TRAF7: variants seen among roughly 807,000 people sequenced by gnomAD.
TRAF7 encodes TNF receptor associated factor 7, also known as E3 ubiquitin-protein ligase TRAF7.
Under a neutral mutation model 89.3 loss-of-function variants are expected in TRAF7, and 45 were observed. That is an observed-to-expected ratio of 0.50 (90% CI 0.40 to 0.65). The LOEUF (loss-of-function observed/expected upper bound fraction) is 0.65, where lower values mean the gene tolerates loss of function less well. TRAF7 is among the 30% of genes least tolerant of loss of function. The probability of loss-of-function intolerance (pLI) is 0.00; values close to 1 mark genes in which losing one functional copy is unlikely to be tolerated. For synonymous variants in TRAF7, 406 were observed against 369.2 expected (o/e 1.10, Z -1.14); for missense variants, 677 against 918.1 (o/e 0.74, Z 3.39).
chr16:2,164,389 G>A (rs541555004), intron 2 of TRAF7, among the ~76,000 whole-genome samples: 79 of 147,068 alleles, frequency 5.4e-4, no homozygotes, highest in Non-Finnish European at 7.2e-4. Flanking sequence ...TGCGTGGTGC[G>A]GCCTGGTCGC....
In TRAF7 at chr16:2,177,726, A is replaced by G. The variant is rs1007791138; in HGVS notation, c.*1152A>G. 1.7e-5 allele frequency: 4 copies of G among 241,722 alleles called. No individual in the cohort carries two copies. In the Admixed American group the frequency reaches 2.2e-4, roughly 13 times the overall value. 15.0% of individuals were successfully genotyped at this position (241,722 alleles called of 1,614,324 possible). On this transcript the variant is annotated 3_prime_UTR_variant, in exon 21 of 21. Coordinates refer to ENST00000326181, the MANE Select transcript of TRAF7 (RefSeq NM_032271.3). ...GTGGCTGCCACGCTGACACACCCAC[A>G]TTCACCAAACCCACCCGCGCCCTGG...
intron 3 of TRAF7, among the ~76,000 whole-genome samples, chr16:2,167,043 C>T (rs951879923): frequency 6.6e-6 from 1 of 152,202 alleles, no homozygotes; most frequent in Non-Finnish European, 1.5e-5. Flanking sequence ...CTTACAGTAG[C>T]GCCTCTTTGC....
At chr16:2,173,857 G>GCGGGGCGCGCCCCC in intron 12 of TRAF7, 21 bp downstream of exon 12, 1 of 1,607,510 alleles carries the variant, frequency 6.2e-7, no homozygotes, top group Non-Finnish European at 8.5e-7. Context: ...ACCCGCCGTG[G>GCGGGGCGCGCCCCC]CTCCCGCCCA....
rs1567249641 is a variant in TRAF7 at position 2,168,115 on chromosome 16, C to G, written c.178C>G (p.Pro60Ala). ...TSTYKQHCRT[P>A]SSSSTLAYSP... is the part of the protein sequence containing the mutation. ...CACCTACAAGCAGCACTGCAGGACA[C>G]CCTCCTCCTCCAGCACCCTTGCCTA... The change falls in exon 4 of 21, where the codon CCC (proline) becomes GCC (alanine). Residue 60 changes from proline (P) to alanine (A), a missense_variant. Pro to Ala is a conservative substitution (Grantham distance 27). Coordinates refer to ENST00000326181, the MANE Select transcript of TRAF7 (RefSeq NM_032271.3). This position sits in a 1 kb window ranked among gnomAD's most constrained non-coding sequence, Gnocchi z 4.1. 3.1e-6 allele frequency: 5 copies of G among 1,612,362 alleles called. No homozygotes were observed. In the South Asian group the frequency reaches 4.4e-5, roughly 14 times the overall value.
At chr16:2,169,687 G>A (rs766568730) in intron 4 of TRAF7, among the ~76,000 whole-genome samples, 1 of 152,212 alleles carries the variant, frequency 6.6e-6, no homozygotes, top group African/African-American at 2.4e-5. Flanking sequence ...CTCTGCTGCT[G>A]TGGGGCCTTG....
rs2093127037 is a variant in TRAF7 at position 2,174,444 on chromosome 16, C to T, written c.1346+111C>T. On this transcript the variant is annotated intron_variant, in intron 14 of 20. Transcript: ENST00000326181. ...AGCCTGTGTAGCTATGTGTGTGCCC[C>T]ACCTATAGGGCACCCTCCACCCGGA... 3.9e-6 allele frequency: 4 copies of T among 1,025,952 alleles called. No individual in the cohort carries two copies. The African/African-American group carries it at 6.3e-5, about 16-fold the overall frequency. The allele number at this position is 1,025,952 out of a possible 1,614,324, so 63.6% of individuals were successfully genotyped here. A position where few individuals can be genotyped will look rare whatever the true frequency, so the allele number is the denominator to read the frequency against.
Position 2,177,192 on chromosome 16 carries a change from T to C in TRAF7, c.*618T>C, listed in dbSNP as rs1254416957. 2.4e-5 allele frequency: 6 copies of C among 246,122 alleles called. No individual in the cohort carries two copies. Among genetic ancestry groups the C allele is most frequent in the Non-Finnish European group, 4.0e-5 (5 of 124,284 alleles). 15.2% of individuals were successfully genotyped at this position (246,122 alleles called of 1,614,324 possible). ...TGAGCCAGGCACCTCTGTTTCCTGC[T>C]GTTTATTGACAGCCGACGGCAGCGC... is the stretch of plus-strand genomic sequence containing the variant. On this transcript the variant is annotated 3_prime_UTR_variant, in exon 21 of 21. Coordinates refer to ENST00000326181, the MANE Select transcript of TRAF7 (RefSeq NM_032271.3).
intron 3 of TRAF7, among the ~76,000 whole-genome samples, chr16:2,167,167 C>T (rs113116421): frequency 3.9e-5 from 6 of 152,296 alleles, no homozygotes; most frequent in African/African-American, 4.8e-5. Flanking sequence ...CCCTGTCACA[C>T]GGCGGAAGGT....
At chr16:2,167,795 C>G (rs1277186262) in intron 3 of TRAF7, among the ~76,000 whole-genome samples, 1 of 152,146 alleles carries the variant, frequency 6.6e-6, no homozygotes, top group Non-Finnish European at 1.5e-5. Flanking sequence ...AAAGAAGACC[C>G]TGCCTGGGGT....
rs1400423714 is a variant in TRAF7 at position 2,158,600 on chromosome 16, C to G, written c.-39+2742C>G. 6.6e-6 allele frequency among the ~76,000 whole-genome samples: 1 copy of G among 152,196 alleles called. No individual in the cohort carries two copies. The highest frequency in any genetic ancestry group is 1.5e-5 in the Non-Finnish European group (1 of 68,034). ...GAGGGCGCTGGGTGACTGAGGGGGT[C>G]AGTGGTCTCTGCCCTCACATTCCTG... On this transcript the variant is annotated intron_variant, in intron 1 of 20. Coordinates refer to ENST00000326181, the MANE Select transcript of TRAF7 (RefSeq NM_032271.3). The surrounding 1 kb of genome is among the most constrained non-coding windows in gnomAD (Gnocchi z 4.7).
chr16:2,160,891 CAG>C (rs1271224527), intron 1 of TRAF7, among the ~76,000 whole-genome samples: 1 of 152,058 alleles, frequency 6.6e-6, no homozygotes, highest in Non-Finnish European at 1.5e-5. Context: ...TCCCAGCCAT[CAG>C]GGGATGCTGA....
In TRAF7 at chr16:2,175,996, G is replaced by A. The variant is rs375852117; in HGVS notation, c.1746+43G>A. On this transcript the variant is annotated intron_variant, in intron 18 of 20. Coordinates refer to ENST00000326181, the MANE Select transcript of TRAF7 (RefSeq NM_032271.3). Reference sequence around the variant, plus strand: ...GGGTGCAAGGCCAGACTGTGGCCCCGTCTCCCCCGCCTTGCTCAGTGTCTT... The same window carrying A: ...GGGTGCAAGGCCAGACTGTGGCCCCATCTCCCCCGCCTTGCTCAGTGTCTT... 805 of 1,611,444 alleles carry A rather than the reference G, an allele frequency of 5.0e-4. 2 individuals are homozygous for A. Among genetic ancestry groups the A allele is most frequent in the South Asian group, 7.9e-4 (72 of 90,950 alleles).
rs1555465685 is a variant in TRAF7 at position 2,164,139 on chromosome 16, G to GTGTGTGTGTGT, written c.81+138_81+139insTGTGTGTGTGT. 9.1e-4 allele frequency: 494 copies of GTGTGTGTGTGT among 544,292 alleles called. 2 individuals are homozygous for GTGTGTGTGTGT. The highest frequency in any genetic ancestry group is 5.3e-4 in the South Asian group (24 of 45,010). 33.7% of individuals were successfully genotyped at this position (544,292 alleles called of 1,614,324 possible). ...AGGGGAGCTCGGTGGGGGGGGGTGT[G>GTGTGTGTGTGT]GTGTGTGTGTGTGTGTGTGTGCGCG... On this transcript the variant is annotated intron_variant, in intron 2 of 20. Coordinates refer to ENST00000326181, the MANE Select transcript of TRAF7 (RefSeq NM_032271.3).
chr16:2,164,149 T>TGC (rs2093069040), intron 2 of TRAF7, 148 bp downstream of exon 2: 3 of 556,670 alleles, frequency 5.4e-6, no homozygotes, highest in South Asian at 2.1e-5. Flanking sequence ...GGTGTGTGTG[T>TGC]GTGTGTGTGT....
chr16:2,164,011 T>G lies in TRAF7; in HGVS notation c.81+10T>G. ...AGACGTCACCACAGGGGTAAGGGTG[T>G]GCCCCTCTGCAAGCCCAACATCCCC... On this transcript the variant is annotated intron_variant, in intron 2 of 20. Coordinates refer to ENST00000326181, the MANE Select transcript of TRAF7 (RefSeq NM_032271.3). 6.2e-7 allele frequency: 1 copy of G among 1,601,770 alleles called. No individual in the cohort carries two copies. The highest frequency in any genetic ancestry group is 8.5e-7 in the Non-Finnish European group (1 of 1,174,542).
In TRAF7 at chr16:2,170,635, C is replaced by A; in HGVS notation, c.253C>A (p.Arg85Ser). The change falls in exon 5 of 21, where the codon CGC becomes AGC. Residue 85 changes from arginine (R) to serine (S), a missense_variant. Coordinates refer to ENST00000326181, the MANE Select transcript of TRAF7 (RefSeq NM_032271.3). Reference sequence around the variant, plus strand: ...ACAGCCCCCCATCAGCACTCCCCGCCGCTCCGACTCCGCCATCTCTGTCCG... The same window carrying A: ...ACAGCCCCCCATCAGCACTCCCCGCAGCTCCGACTCCGCCATCTCTGTCCG... ...DSMPPISTPR[R>S]SDSAISVRSL... 6.2e-7 allele frequency: 1 copy of A among 1,609,940 alleles called. No homozygotes were observed. Among genetic ancestry groups the A allele is most frequent in the East Asian group, 2.3e-5 (1 of 44,262 alleles).
chr16:2,164,139 G>GTGTGT, intron 2 of TRAF7, 138 bp downstream of exon 2: 3 of 542,294 alleles, frequency 5.5e-6, no homozygotes, highest in African/African-American at 2.2e-5. Flanking sequence ...GGGGGGGTGT[G>GTGTGT]GTGTGTGTGT....
rs2093096771 is a variant in TRAF7, at chr16:2,168,731, G to A, written c.231+563G>A. On this transcript the variant is annotated intron_variant, in intron 4 of 20. Coordinates refer to ENST00000326181, the MANE Select transcript of TRAF7 (RefSeq NM_032271.3). This position sits in a 1 kb window ranked among gnomAD's most constrained non-coding sequence, Gnocchi z 4.1. Reference sequence around the variant, plus strand: ...GTGCAGAAAGGATCAGGGCAGTCGGGGGCTGGCTGCTGGTACCTGAGCCCT... The same window carrying A: ...GTGCAGAAAGGATCAGGGCAGTCGGAGGCTGGCTGCTGGTACCTGAGCCCT... Among the ~76,000 whole-genome samples the A allele has an allele frequency of 6.6e-6, 1 of 152,130 alleles. No individual in the cohort carries two copies.
Position 2,163,809 on chromosome 16 carries a change from C to CT in TRAF7, c.-38-72dup. On this transcript the variant is annotated intron_variant, in intron 1 of 20. Transcript: ENST00000326181. This position sits in a 1 kb window ranked among gnomAD's most constrained non-coding sequence, Gnocchi z 4.3. ...CGGTGCCCCACAGCAGGTCTGCACA[C>CT]TTGCAGCAGCCCGTCTGACTCACAG... 1 of 1,012,094 alleles carries CT rather than the reference C, an allele frequency of 9.9e-7. No homozygotes were observed. The highest frequency in any genetic ancestry group is 1.5e-6 in the Non-Finnish European group (1 of 661,134). 62.7% of individuals were successfully genotyped at this position (1,012,094 alleles called of 1,614,324 possible).
Sources: gnomAD v4.1 joint callset for allele counts (sites outside exome capture counted in the v4.1 genomes callset) on GRCh38, gnomAD v4.1.1 for gene constraint, Gnocchi (gnomAD v3.1) non-coding constraint, MANE v1.5 for transcripts, NCBI Gene and HGNC (gene_info 2026-07-23, HGNC 2026-07-21) for gene names.